GPC5: variants seen among roughly 807,000 people sequenced by gnomAD.
GPC5 encodes glypican 5.
A neutral mutation model predicts 53.9 loss-of-function variants in GPC5; 47 were observed. The ratio of observed to expected loss-of-function variants is 0.87; its 90% CI spans 0.69 to 1.11. The LOEUF is 1.11. Among genes scored for constraint, GPC5 ranks in the 50% most tolerant of loss-of-function variants. The pLI, the probability that GPC5 is intolerant of heterozygous loss-of-function variation, is 0.00. For synonymous variants in GPC5, 286 were observed against 263.3 expected, an observed-to-expected ratio of 1.09 and a Z score of -0.84; for missense variants, 748 against 713.1, an observed-to-expected ratio of 1.05 and a Z score of -0.56.
At chr13:92,174,469 G>A (rs1192798844) in intron 7 of GPC5, among the ~76,000 whole-genome samples, 3 of 151,266 alleles carry the variant, frequency 2.0e-5, no homozygotes, top group Non-Finnish European at 4.4e-5. Context: ...CGGGAGGCGG[G>A]GCTTGCAGTG....
At chr13:91,712,888 A>C (rs539060500) in intron 3 of GPC5, among the ~76,000 whole-genome samples, 1 of 149,342 alleles carries the variant, frequency 6.7e-6, no homozygotes, top group African/African-American at 2.5e-5. Context: ...GGATGAATAC[A>C]AACAAAAATA....
intron 7 of GPC5, among the ~76,000 whole-genome samples, chr13:92,567,502 C>G (rs974614321): frequency 2.6e-5 from 4 of 152,122 alleles, no homozygotes; most frequent in African/African-American, 9.7e-5. Context: ...GGCATGAATG[C>G]TGTGAATCAA....
At chr13:91,554,009 A>T (rs2030799283) in intron 2 of GPC5, among the ~76,000 whole-genome samples, 1 of 152,036 alleles carries the variant, frequency 6.6e-6, no homozygotes, top group Non-Finnish European at 1.5e-5. Flanking sequence ...AATATTTATT[A>T]AATTTCCCTC....
chr13:92,674,216 C>T (rs900704803), intron 7 of GPC5, among the ~76,000 whole-genome samples: 1 of 152,110 alleles, frequency 6.6e-6, no homozygotes, highest in African/African-American at 2.4e-5. Flanking sequence ...TGACACGTTC[C>T]TCTCACTGGG....
At chr13:92,087,603 T>C (rs949513433) in intron 6 of GPC5, among the ~76,000 whole-genome samples, 1 of 152,118 alleles carries the variant, frequency 6.6e-6, no homozygotes, top group Non-Finnish European at 1.5e-5. Context: ...AGTCCCACCC[T>C]CCTATAAACT....
At chr13:92,851,798 AG>A (rs1162826779) in intron 7 of GPC5, among the ~76,000 whole-genome samples, 2 of 149,394 alleles carry the variant, frequency 1.3e-5, no homozygotes, top group Admixed American at 1.3e-4. Flanking sequence ...CTGAGGCAGG[AG>A]AATGGCGTGA....
intron 7 of GPC5, among the ~76,000 whole-genome samples, chr13:92,152,608 G>A (rs966824986): frequency 5.3e-5 from 8 of 151,930 alleles, no homozygotes; most frequent in Admixed American, 1.3e-4. Context: ...GTGTCGTGGC[G>A]GGCGCCTGTA....
At chr13:91,666,021 C>T (rs1179321744) in intron 2 of GPC5, among the ~76,000 whole-genome samples, 4 of 152,190 alleles carry the variant, frequency 2.6e-5, no homozygotes, top group African/African-American at 7.2e-5. Context: ...TTCTTTAACA[C>T]GATGCTCACT....
intron 6 of GPC5, among the ~76,000 whole-genome samples, chr13:91,948,568 G>A (rs1184780999): frequency 6.6e-6 from 1 of 152,062 alleles, no homozygotes; most frequent in Admixed American, 6.6e-5. Flanking sequence ...AATCAACTAA[G>A]TTATTTGTTA....
intron 6 of GPC5, among the ~76,000 whole-genome samples, chr13:92,059,451 T>TA (rs1306125875): frequency 1.3e-5 from 2 of 152,064 alleles, no homozygotes; most frequent in East Asian, 3.8e-4. Context: ...TTATTTATGT[T>TA]AAAGACATAC....
rs750851409 is a variant in GPC5 at position 92,523,800 on chromosome 13, CTG to C, written c.1562-342478_1562-342477del. Among the ~76,000 whole-genome samples, 4 of 151,260 alleles carry C rather than the reference CTG, an allele frequency of 2.6e-5. No homozygotes were observed. The East Asian group carries it at 7.8e-4, about 30-fold the overall frequency. ...TTTGAATTAATATTTTACAAGGCAG[CTG>C]TGTCAATTACATCACACAAGTTGTT... On this transcript the variant is annotated intron_variant, in intron 7 of 7. Transcript: ENST00000377067.
intron 5 of GPC5, among the ~76,000 whole-genome samples, chr13:91,882,003 G>A (rs1446706260): frequency 1.3e-5 from 2 of 152,088 alleles, no homozygotes; most frequent in Non-Finnish European, 2.9e-5. Flanking sequence ...CACCCTTATT[G>A]ACTTTGAAGA....
At chr13:91,710,942 G>A (rs961091009) in intron 3 of GPC5, among the ~76,000 whole-genome samples, 1 of 152,170 alleles carries the variant, frequency 6.6e-6, no homozygotes, top group African/African-American at 2.4e-5. Flanking sequence ...TGGTTTCCAC[G>A]CAGATCATGT....
intron 6 of GPC5, among the ~76,000 whole-genome samples, chr13:92,133,321 G>C (rs2352494): frequency 1.3e-5 from 2 of 152,250 alleles, no homozygotes; most frequent in South Asian, 4.1e-4. Flanking sequence ...GCCATCTGGC[G>C]TACACGAGGG....
At chr13:91,417,443 G>A (rs1158667549) in intron 1 of GPC5, among the ~76,000 whole-genome samples, 1 of 152,178 alleles carries the variant, frequency 6.6e-6, no homozygotes, top group Non-Finnish European at 1.5e-5. Context: ...ATTCTCTAAA[G>A]ACAAGGAGTT....
At chr13:92,162,428 A>G (rs188484680) in intron 7 of GPC5, among the ~76,000 whole-genome samples, 1 of 152,300 alleles carries the variant, frequency 6.6e-6, no homozygotes, top group East Asian at 1.9e-4. Context: ...GAAAGGTTTT[A>G]TTTGGGAAAA....
intron 7 of GPC5, among the ~76,000 whole-genome samples, chr13:92,647,005 G>T (rs1197415798): frequency 6.8e-6 from 1 of 145,988 alleles, no homozygotes; most frequent in Non-Finnish European, 1.5e-5. Flanking sequence ...GAAATTTCAC[G>T]TTTAAATCAG....
At chr13:92,737,549 T>C (rs2139306219) in intron 7 of GPC5, among the ~76,000 whole-genome samples, 1 of 152,136 alleles carries the variant, frequency 6.6e-6, no homozygotes, top group South Asian at 2.1e-4. Flanking sequence ...TATTCAGAAG[T>C]GTGATGTCAA....
chr13:92,284,003 A>G (rs894537362), intron 7 of GPC5, among the ~76,000 whole-genome samples: 5 of 152,222 alleles, frequency 3.3e-5, no homozygotes, highest in African/African-American at 1.2e-4. Flanking sequence ...AGCAAGACTA[A>G]TAAAGAAGAA....
Sources: gnomAD v4.1 joint callset for allele counts (sites outside exome capture counted in the v4.1 genomes callset) on GRCh38, gnomAD v4.1.1 for gene constraint, MANE v1.5 for transcripts, NCBI Gene and HGNC (gene_info 2026-07-23, HGNC 2026-07-21) for gene names.